SPAG16: variants seen among roughly 807,000 people sequenced by gnomAD.
The protein encoded by SPAG16 is sperm-associated antigen 16 protein.
A neutral mutation model predicts 80.4 loss-of-function variants in SPAG16; 86 were observed. That is an observed-to-expected ratio of 1.07 (90% CI 0.90 to 1.28). The LOEUF (loss-of-function observed/expected upper bound fraction) is 1.28. Among genes scored for constraint, SPAG16 ranks in the 50% most tolerant of loss-of-function variants. SPAG16 has a pLI of 0.00. For synonymous variants in SPAG16, 294 were observed against 265.9 expected, an observed-to-expected ratio of 1.11 and a Z score of -1.03; for missense variants, 870 against 765.3, an observed-to-expected ratio of 1.14 and a Z score of -1.61.
At chr2:213,356,681 G>A (rs939315506) in intron 7 of SPAG16, among the ~76,000 whole-genome samples, 3 of 151,850 alleles carry the variant, frequency 2.0e-5, no homozygotes, top group Non-Finnish European at 2.9e-5. Context: ...CAATATTGTT[G>A]ATCTTTCAAA....
chr2:213,690,931 T>C (rs2064914949), intron 10 of SPAG16, among the ~76,000 whole-genome samples: 1 of 152,122 alleles, frequency 6.6e-6, no homozygotes, highest in Non-Finnish European at 1.5e-5. Context: ...TCTCTTTCTC[T>C]AGCTTGCATA....
intron 14 of SPAG16, among the ~76,000 whole-genome samples, chr2:214,128,136 T>C (rs1176601746): frequency 6.6e-6 from 1 of 151,806 alleles, no homozygotes; most frequent in Non-Finnish European, 1.5e-5. Context: ...ATGGCATAAG[T>C]GCCTCATTTA....
intron 10 of SPAG16, among the ~76,000 whole-genome samples, chr2:213,705,628 A>G (rs2065714930): frequency 6.6e-6 from 1 of 152,164 alleles, no homozygotes; most frequent in Non-Finnish European, 1.5e-5. Flanking sequence ...GCAAAAATCT[A>G]AATAAAATGC....
chr2:214,285,725 C>G (rs1279599904), intron 15 of SPAG16, among the ~76,000 whole-genome samples: 1 of 152,096 alleles, frequency 6.6e-6, no homozygotes, highest in Middle Eastern at 3.2e-3. Flanking sequence ...ATCACTTGAA[C>G]CTGGGAGGCG....
chr2:214,069,098 T>C (rs577813329), intron 13 of SPAG16, among the ~76,000 whole-genome samples: 47 of 152,266 alleles, frequency 3.1e-4, no homozygotes, highest in African/African-American at 1.1e-3. Flanking sequence ...GTTTTGCCCT[T>C]CCACAAATTT....
chr2:214,193,432 A>AT (rs1559119455), intron 15 of SPAG16, among the ~76,000 whole-genome samples: 6,650 of 117,432 alleles, frequency 0.057, 132 homozygotes, highest in Non-Finnish European at 0.092. Context: ...TGTATGAGAG[A>AT]GAGAGAGAGA....
At chr2:214,156,366 T>A (rs2056214484) in intron 15 of SPAG16, among the ~76,000 whole-genome samples, 1 of 152,178 alleles carries the variant, frequency 6.6e-6, no homozygotes. Flanking sequence ...CTTGCTTCTG[T>A]TTTATAGTTG....
At chr2:213,707,121 G>A (rs1038932849) in intron 10 of SPAG16, among the ~76,000 whole-genome samples, 2 of 152,182 alleles carry the variant, frequency 1.3e-5, no homozygotes, top group East Asian at 3.8e-4. Context: ...ACAAGGATGT[G>A]AAAAACGGGA....
chr2:214,271,854 A>ACCC (rs1692047647), intron 15 of SPAG16, among the ~76,000 whole-genome samples: 6 of 90,842 alleles, frequency 6.6e-5, no homozygotes, highest in East Asian at 3.5e-4. Context: ...CCCCCCCCCA[A>ACCC]AAAAAAAGAA....
intron 10 of SPAG16, among the ~76,000 whole-genome samples, chr2:213,803,457 A>C (rs2071543613): frequency 6.6e-6 from 1 of 152,222 alleles, no homozygotes; most frequent in African/African-American, 2.4e-5. Flanking sequence ...TTGTATCATA[A>C]GCTAGACTTC....
chr2:214,252,159 C>T (rs1690336185), intron 15 of SPAG16, among the ~76,000 whole-genome samples: 1 of 151,986 alleles, frequency 6.6e-6, no homozygotes, highest in South Asian at 2.1e-4. Flanking sequence ...TTTGGAACCA[C>T]GTTTGTTTCC....
intron 10 of SPAG16, among the ~76,000 whole-genome samples, chr2:213,616,797 CTCTG>C (rs1467123672): frequency 6.6e-6 from 1 of 152,134 alleles, no homozygotes; most frequent in Admixed American, 6.5e-5. Context: ...AGTTAAGGTA[CTCTG>C]TCTGCATAGG....
intron 9 of SPAG16, among the ~76,000 whole-genome samples, chr2:213,477,586 A>G (rs2073485651): frequency 6.6e-6 from 1 of 152,206 alleles, no homozygotes; most frequent in African/African-American, 2.4e-5. Context: ...TGGAGATCAG[A>G]CTTGCATGGG....
intron 15 of SPAG16, among the ~76,000 whole-genome samples, chr2:214,273,483 G>A (rs1168752182): frequency 1.3e-5 from 2 of 152,014 alleles, no homozygotes; most frequent in Non-Finnish European, 2.9e-5. Flanking sequence ...GTGTAAGGAG[G>A]GGATCTAGTT....
intron 9 of SPAG16, among the ~76,000 whole-genome samples, chr2:213,467,594 G>T (rs2072771624): frequency 6.6e-6 from 1 of 152,216 alleles, no homozygotes; most frequent in Admixed American, 6.5e-5. Context: ...AACAGAAATG[G>T]CTGTGCTGGT....
At chr2:213,719,512 G>C (rs2066415388) in intron 10 of SPAG16, among the ~76,000 whole-genome samples, 1 of 152,200 alleles carries the variant, frequency 6.6e-6, no homozygotes, top group South Asian at 2.1e-4. Flanking sequence ...TCAGCACCCT[G>C]ACAAAACAGG....
intron 9 of SPAG16, among the ~76,000 whole-genome samples, chr2:213,431,727 A>G (rs1404536740): frequency 6.6e-6 from 1 of 152,118 alleles, no homozygotes; most frequent in African/African-American, 2.4e-5. Flanking sequence ...ACTGGACTTC[A>G]ATGAAACTTT....
chr2:214,322,155 A>AT (rs1273495259), intron 15 of SPAG16, among the ~76,000 whole-genome samples: 1 of 152,160 alleles, frequency 6.6e-6, no homozygotes, highest in Non-Finnish European at 1.5e-5. Flanking sequence ...TTTGTTTTAG[A>AT]TCCCCCTCTT....
Position 214,398,805 on chromosome 2 carries a change from G to A in SPAG16, c.1721-11335G>A, listed in dbSNP as rs557787277. ...ACTTTTGTTTCCCCTCAGGCTGCAG[G>A]ATAGAGGAAATTTTATAGACATACT... On this transcript the variant is annotated intron_variant, in intron 15 of 15. Coordinates refer to ENST00000331683, the MANE Select transcript of SPAG16 (RefSeq NM_024532.5). Among the ~76,000 whole-genome samples, 8 of 152,288 alleles carry A rather than the reference G, an allele frequency of 5.3e-5. No homozygotes were observed. The South Asian group carries it at 1.0e-3, about 20-fold the overall frequency.
Sources: allele counts gnomAD v4.1 joint callset (sites outside exome capture counted in the v4.1 genomes callset), GRCh38; gene constraint gnomAD v4.1.1; transcripts MANE v1.5; gene names NCBI Gene and HGNC (gene_info 2026-07-23, HGNC 2026-07-21).